SLC25A16: variants seen among roughly 807,000 people sequenced by gnomAD.
SLC25A16 encodes the protein mitochondrial coenzyme A transporter SLC25A16.
SLC25A16 carries 39 observed loss-of-function variants against 41.5 expected under a neutral mutation model. The observed-to-expected ratio is 0.94, with a 90% CI of 0.73 to 1.23. SLC25A16 has a LOEUF of 1.23. Ranked by LOEUF, SLC25A16 falls within the 50% of genes most tolerant of loss-of-function variation. SLC25A16 has a pLI of 0.00. For synonymous variants in SLC25A16, 146 were observed against 147.8 expected, an observed-to-expected ratio of 0.99 and a Z score of 0.09; for missense variants, 421 against 426.9, an observed-to-expected ratio of 0.99 and a Z score of 0.12.
At chr10:68,515,097 C>A (rs746429402) in intron 2 of SLC25A16, among the ~76,000 whole-genome samples, 8 of 150,336 alleles carry the variant, frequency 5.3e-5, no homozygotes, top group Non-Finnish European at 5.9e-5. Flanking sequence ...TGGCTCACAC[C>A]TGTAATCCCA....
At chr10:68,485,403 T>C (rs1251950993) in intron 8 of SLC25A16, among the ~76,000 whole-genome samples, 24 of 151,872 alleles carry the variant, frequency 1.6e-4, no homozygotes, top group Admixed American at 1.6e-3. Context: ...TTTTCTTTTT[T>C]AGACAGAGTC....
chr10:68,511,952 G>T (rs1024342902), intron 2 of SLC25A16, among the ~76,000 whole-genome samples: 4 of 152,056 alleles, frequency 2.6e-5, no homozygotes, highest in African/African-American at 9.7e-5. Flanking sequence ...TACCTCCTGG[G>T]TTCAAGCAAT....
Position 68,527,348 on chromosome 10 carries a change from G to A in SLC25A16, c.28C>T (p.Leu10=), listed in dbSNP as rs369018810. Residue 10 remains leucine, a synonymous_variant, in exon 1 of 9, where the codon CTG becomes TTG. Transcript: ENST00000609923. The part of the protein sequence containing the change: MAAATAAAA[L]AAADPPPAMP... ...GCGGGAGGGGGATCGGCCGCCGCCAGGGCTGCCGCGGCCGTCGCCGCCGCC... is the reference window on the plus strand; with the variant it reads ...GCGGGAGGGGGATCGGCCGCCGCCAAGGCTGCCGCGGCCGTCGCCGCCGCC... 2 of 1,513,738 alleles carry A rather than the reference G, an allele frequency of 1.3e-6. No individual in the cohort carries two copies. Among genetic ancestry groups the A allele is most frequent in the Non-Finnish European group, 8.8e-7 (1 of 1,135,204 alleles). The allele number at this position is 1,513,738 out of a possible 1,614,324, so 93.8% of individuals were successfully genotyped here. A position where few individuals can be genotyped will look rare whatever the true frequency, so the allele number is the denominator to read the frequency against.
intron 1 of SLC25A16, among the ~76,000 whole-genome samples, chr10:68,522,222 G>T (rs1488804117): frequency 6.6e-6 from 1 of 151,848 alleles, no homozygotes; most frequent in African/African-American, 2.4e-5. Context: ...CAATGTGAAT[G>T]AATCTTAAAT....
intron 6 of SLC25A16, among the ~76,000 whole-genome samples, chr10:68,488,934 A>G (rs1205553395): frequency 6.6e-6 from 1 of 152,194 alleles, no homozygotes; most frequent in South Asian, 2.1e-4. Flanking sequence ...AATTAAATTC[A>G]TGATTATTAA....
Position 68,484,141 on chromosome 10 carries a change from T to A in SLC25A16, c.843-553A>T, listed in dbSNP as rs567975182. On this transcript the variant is annotated intron_variant, in intron 8 of 8. Transcript: ENST00000609923. ...CAACATATTTTGTTTGTACTATGTC[T>A]ATGACATTTACTGGACAACAACTAT... is the stretch of plus-strand genomic sequence containing the variant. 2.6e-5 allele frequency among the ~76,000 whole-genome samples: 4 copies of A among 152,310 alleles called. No individual in the cohort carries two copies. The South Asian group carries it at 8.3e-4, about 32-fold the overall frequency.
intron 5 of SLC25A16, 28 bp downstream of exon 5, chr10:68,493,421 A>T: frequency 6.3e-7 from 1 of 1,592,100 alleles, no homozygotes; most frequent in Non-Finnish European, 8.6e-7. Context: ...AGGGCATGTT[A>T]TAGATGAGGA....
chr10:68,486,223 AAACAAAAC>A (rs1224446943), intron 8 of SLC25A16, among the ~76,000 whole-genome samples: 1 of 139,204 alleles, frequency 7.2e-6, no homozygotes, highest in African/African-American at 2.8e-5. Context: ...TGTCTCAAAA[AAACAAAAC>A]AAAAAAAAAA....
Position 68,478,530 on chromosome 10 carries a change from G to A in SLC25A16, c.*4902C>T, listed in dbSNP as rs2052452365. ...AAAAAAAATAAATAATTATACATAG[G>A]GTTTTTTAAAAAAACATTTTATATA... is the stretch of plus-strand genomic sequence containing the variant. On this transcript the variant is annotated 3_prime_UTR_variant, in exon 9 of 9. Transcript: ENST00000609923. 1 of 151,710 alleles carries A rather than the reference G, an allele frequency of 6.6e-6. No homozygotes were observed. Among genetic ancestry groups the A allele is most frequent in the African/African-American group, 2.4e-5 (1 of 41,312 alleles). The allele number at this position is 151,710 out of a possible 1,614,324, so 9.4% of individuals were successfully genotyped here.
chr10:68,513,213 G>A (rs2053098476), intron 2 of SLC25A16, among the ~76,000 whole-genome samples: 1 of 150,206 alleles, frequency 6.7e-6, no homozygotes, highest in Admixed American at 6.7e-5. Flanking sequence ...TAAGAAACCA[G>A]CCTGGCCAAA....
chr10:68,504,057 G>A (rs1056845076), intron 3 of SLC25A16, among the ~76,000 whole-genome samples: 2 of 117,678 alleles, frequency 1.7e-5, no homozygotes, highest in East Asian at 2.5e-4. Context: ...ATGAAGTCTC[G>A]CTCTGTGTCC....
intron 1 of SLC25A16, among the ~76,000 whole-genome samples, chr10:68,526,060 C>T (rs916878633): frequency 4.6e-5 from 7 of 151,868 alleles, no homozygotes; most frequent in African/African-American, 7.3e-5. Flanking sequence ...AAGGGAAAGA[C>T]CTGAACGTCC....
intron 8 of SLC25A16, 166 bp from the exon 9 acceptor site, chr10:68,483,754 C>G (rs1231865822): frequency 1.1e-5 from 2 of 176,810 alleles, no homozygotes; most frequent in African/African-American, 4.8e-5. Context: ...CCTCTGCCTC[C>G]CAGGTTCAAG....
chr10:68,513,200 A>C (rs1398327141), intron 2 of SLC25A16, among the ~76,000 whole-genome samples: 1 of 151,738 alleles, frequency 6.6e-6, no homozygotes, highest in Non-Finnish European at 1.5e-5. Flanking sequence ...TTTTAATAAA[A>C]AATAAGAAAC....
chr10:68,483,900 G>A (rs2052517968), intron 8 of SLC25A16, among the ~76,000 whole-genome samples: 1 of 152,130 alleles, frequency 6.6e-6, no homozygotes, highest in Non-Finnish European at 1.5e-5. Flanking sequence ...CTGACCTCAG[G>A]TGATCCACCC....
At chr10:68,491,970 A>C (rs2133507542) in intron 6 of SLC25A16, among the ~76,000 whole-genome samples, 1 of 152,226 alleles carries the variant, frequency 6.6e-6, no homozygotes, top group East Asian at 1.9e-4. Flanking sequence ...CTGGGATTAC[A>C]GGCACACGCC....
Position 68,483,380 on chromosome 10 carries a change from T to C in SLC25A16, c.*52A>G. On this transcript the variant is annotated 3_prime_UTR_variant, in exon 9 of 9. Coordinates refer to ENST00000609923, the MANE Select transcript of SLC25A16 (RefSeq NM_152707.4). ...TGTTCCCCCCACAATTATAGTAATG[T>C]TTCATTTCTCCCTCTGAGAATGTAT... 1 of 1,208,876 alleles carries C rather than the reference T, an allele frequency of 8.3e-7. No homozygotes were observed. Among genetic ancestry groups the C allele is most frequent in the Non-Finnish European group, 1.2e-6 (1 of 859,226 alleles). 74.9% of individuals were successfully genotyped at this position (1,208,876 alleles called of 1,614,324 possible).
chr10:68,526,596 G>A (rs186654282), intron 1 of SLC25A16, among the ~76,000 whole-genome samples: 38 of 152,066 alleles, frequency 2.5e-4, no homozygotes, highest in African/African-American at 7.5e-4. Context: ...TCCACCTTAC[G>A]AGAAACACCC....
intron 4 of SLC25A16, among the ~76,000 whole-genome samples, chr10:68,497,593 T>C (rs2052770010): frequency 6.6e-6 from 1 of 151,338 alleles, no homozygotes; most frequent in Non-Finnish European, 1.5e-5. Context: ...TTTTTCTTCT[T>C]ACTTCTAACA....
Sources: gnomAD v4.1 joint callset for allele counts (sites outside exome capture counted in the v4.1 genomes callset) on GRCh38, gnomAD v4.1.1 for gene constraint, MANE v1.5 for transcripts, NCBI Gene and HGNC (gene_info 2026-07-23, HGNC 2026-07-21) for gene names.